Variants in ASTN2 observed in about 807,000 individuals in gnomAD.
ASTN2 encodes the protein astrotactin 2.
A neutral mutation model predicts 139.8 loss-of-function variants in ASTN2; 54 were observed. That is an observed-to-expected ratio of 0.39 (90% CI 0.31 to 0.48). The LOEUF (loss-of-function observed/expected upper bound fraction) is 0.48, where lower values mean the gene tolerates loss of function less well. ASTN2 is among the 20% of genes least tolerant of loss of function. The pLI, the probability that ASTN2 is intolerant of heterozygous loss-of-function variation, is 0.95. For synonymous variants in ASTN2, 756 were observed against 719.5 expected (o/e 1.05, Z -0.81); for missense variants, 1,565 against 1,725.1 (o/e 0.91, Z 1.64).
At chr9:117,341,781 C>A (rs546240669) in intron 1 of ASTN2, among the ~76,000 whole-genome samples, 11 of 152,300 alleles carry the variant, frequency 7.2e-5, no homozygotes, top group African/African-American at 2.6e-4. Context: ...CTGTGGAGTT[C>A]ATTTCACATC....
At chr9:117,338,906 C>T (rs944519838) in intron 1 of ASTN2, among the ~76,000 whole-genome samples, 1 of 152,086 alleles carries the variant, frequency 6.6e-6, no homozygotes, top group Non-Finnish European at 1.5e-5. Flanking sequence ...CAGCTGTGTG[C>T]GTAATTTTAG....
chr9:117,017,911 T>G (rs950162120), intron 6 of ASTN2, among the ~76,000 whole-genome samples: 1 of 151,344 alleles, frequency 6.6e-6, no homozygotes, highest in African/African-American at 2.4e-5. Flanking sequence ...TCTGAAATTG[T>G]GCAACATGGT....
At chr9:117,333,541 CA>C (rs1828783246) in intron 1 of ASTN2, among the ~76,000 whole-genome samples, 1 of 152,148 alleles carries the variant, frequency 6.6e-6, no homozygotes, top group African/African-American at 2.4e-5. Flanking sequence ...ACAGTTATTG[CA>C]GGGGGGGTTG....
Position 116,460,170 on chromosome 9 carries a change from T to A in ASTN2, c.3498-17617A>T, listed in dbSNP as rs140736745. 1.4e-4 allele frequency among the ~76,000 whole-genome samples: 22 copies of A among 152,266 alleles called. No individual in the cohort carries two copies. In the East Asian group the frequency reaches 3.9e-3, roughly 27 times the overall value. ...GACACAAAGGACATATATTGCATGA[T>A]TCCACTTATATGAAATGTCCACAAT... is the stretch of plus-strand genomic sequence containing the variant. On this transcript the variant is annotated intron_variant, in intron 20 of 22. Transcript: ENST00000313400.
At chr9:116,456,580 T>C (rs1476760907) in intron 20 of ASTN2, among the ~76,000 whole-genome samples, 1 of 152,134 alleles carries the variant, frequency 6.6e-6, no homozygotes, top group Admixed American at 6.6e-5. Context: ...TTCACAATCA[T>C]GGTGGAAAGT....
At chr9:117,226,598 T>G (rs565630464) in intron 2 of ASTN2, among the ~76,000 whole-genome samples, 2 of 119,896 alleles carry the variant, frequency 1.7e-5, no homozygotes, top group East Asian at 3.9e-4. Flanking sequence ...AGCGGGTTTG[T>G]TTGTTTGTTT....
rs542438301 is a variant in ASTN2 at position 116,473,840 on chromosome 9, T to A, written c.3497+13519A>T. Among the ~76,000 whole-genome samples the A allele has an allele frequency of 7.2e-5, 11 of 151,880 alleles. No individual in the cohort carries two copies. In the East Asian group the frequency reaches 2.1e-3, roughly 29 times the overall value. On this transcript the variant is annotated intron_variant, in intron 20 of 22. Transcript: ENST00000313400. Reference sequence around the variant, plus strand: ...TCGCTTGAACCCAGGAAGCGGAGGTTGCAGTGGGCTGAGATCGCACCACTG... The same window carrying A: ...TCGCTTGAACCCAGGAAGCGGAGGTAGCAGTGGGCTGAGATCGCACCACTG...
At chr9:116,628,031 T>C (rs1856551616) in intron 17 of ASTN2, among the ~76,000 whole-genome samples, 1 of 152,212 alleles carries the variant, frequency 6.6e-6, no homozygotes. Flanking sequence ...AAATCTATGC[T>C]TTGAAATATA....
chr9:116,833,726 A>C (rs1424578939), intron 11 of ASTN2, among the ~76,000 whole-genome samples: 1 of 151,990 alleles, frequency 6.6e-6, no homozygotes, highest in African/African-American at 2.4e-5. Flanking sequence ...GTATTTGAAG[A>C]TTTTTCTGTT....
chr9:117,371,888 A>G (rs1236173863), intron 1 of ASTN2, among the ~76,000 whole-genome samples: 3 of 152,130 alleles, frequency 2.0e-5, no homozygotes, highest in Non-Finnish European at 2.9e-5. Context: ...AGGTTCATTC[A>G]GAGAGCCAGT....
At chr9:117,280,635 T>G (rs1834303000) in intron 2 of ASTN2, among the ~76,000 whole-genome samples, 1 of 151,760 alleles carries the variant, frequency 6.6e-6, no homozygotes, top group African/African-American at 2.4e-5. Context: ...CCAGGGAGAG[T>G]GTGGCCCTGC....
At chr9:117,069,268 C>T (rs1031478992) in intron 5 of ASTN2, among the ~76,000 whole-genome samples, 1 of 106,478 alleles carries the variant, frequency 9.4e-6, no homozygotes, top group Non-Finnish European at 1.9e-5. Flanking sequence ...CGTTATGTAC[C>T]CAGTAGTCAC....
intron 1 of ASTN2, among the ~76,000 whole-genome samples, chr9:117,333,399 C>T (rs1587956482): frequency 6.6e-6 from 1 of 152,072 alleles, no homozygotes. Context: ...TTCAACATCT[C>T]TAATATGAGG....
chr9:116,924,720 C>T (rs1470686489), intron 10 of ASTN2, among the ~76,000 whole-genome samples: 1 of 152,100 alleles, frequency 6.6e-6, no homozygotes, highest in African/African-American at 2.4e-5. Context: ...ATATAATGAG[C>T]AGTGAGGATG....
At chr9:116,976,810 A>T in intron 7 of ASTN2, 25 bp from the exon 8 acceptor site, 8 of 1,604,532 alleles carry the variant, frequency 5.0e-6, no homozygotes, top group Non-Finnish European at 6.0e-6. Context: ...AAAAAAGATT[A>T]TTGTTAAGTA....
intron 16 of ASTN2, among the ~76,000 whole-genome samples, chr9:116,662,714 G>A (rs1295349984): frequency 1.3e-5 from 2 of 152,132 alleles, no homozygotes; most frequent in Non-Finnish European, 2.9e-5. Context: ...TTTTAAGATG[G>A]TGATAGGAAA....
chr9:116,738,503 G>C (rs1450871586), intron 13 of ASTN2, among the ~76,000 whole-genome samples: 1 of 151,746 alleles, frequency 6.6e-6, no homozygotes, highest in African/African-American at 2.4e-5. Context: ...ACTATGTGTT[G>C]GGTACAGTGT....
chr9:117,164,129 A>G (rs1168907441), intron 3 of ASTN2, among the ~76,000 whole-genome samples: 1 of 152,134 alleles, frequency 6.6e-6, no homozygotes, highest in Admixed American at 6.6e-5. Context: ...TTAAAACATT[A>G]CATCCACTGG....
At chr9:117,359,725 G>A (rs1829642398) in intron 1 of ASTN2, among the ~76,000 whole-genome samples, 1 of 152,104 alleles carries the variant, frequency 6.6e-6, no homozygotes, top group African/African-American at 2.4e-5. Context: ...CAGGAATTGA[G>A]GTCTTTAACT....
Sources: allele counts gnomAD v4.1 joint callset (sites outside exome capture counted in the v4.1 genomes callset), GRCh38; gene constraint gnomAD v4.1.1; transcripts MANE v1.5; gene names NCBI Gene and HGNC (gene_info 2026-07-23, HGNC 2026-07-21).